ZNF385D: variants seen among roughly 807,000 people sequenced by gnomAD.
ZNF385D encodes the protein zinc finger protein 659.
ZNF385D carries 15 observed loss-of-function variants against 35.8 expected under a neutral mutation model. That is an observed-to-expected ratio of 0.42 (90% CI 0.28 to 0.64). The LOEUF is 0.64. Among genes scored for constraint, ZNF385D ranks in the 30% least tolerant of loss-of-function variants. The pLI, the probability that ZNF385D is intolerant of heterozygous loss-of-function variation, is 0.23. For synonymous variants in ZNF385D, 212 were observed against 186.8 expected, an observed-to-expected ratio of 1.13 and a Z score of -1.10; for missense variants, 474 against 494.6, an observed-to-expected ratio of 0.96 and a Z score of 0.39.
intron 3 of ZNF385D, among the ~76,000 whole-genome samples, chr3:22,124,303 C>G (rs373241688): frequency 3.3e-5 from 5 of 152,048 alleles, no homozygotes; most frequent in African/African-American, 7.2e-5. Flanking sequence ...TGTATAAGTA[C>G]CGCATTTTCA....
At chr3:22,034,710 T>A (rs889525324) in intron 3 of ZNF385D, among the ~76,000 whole-genome samples, 1 of 152,160 alleles carries the variant, frequency 6.6e-6, no homozygotes, top group Non-Finnish European at 1.5e-5. Context: ...TAAAGAATAT[T>A]ATAATTTCAC....
At chr3:22,279,495 C>CATAT (rs1461387907) in intron 2 of ZNF385D, among the ~76,000 whole-genome samples, 12 of 135,290 alleles carry the variant, frequency 8.9e-5, no homozygotes, top group South Asian at 8.8e-4. Flanking sequence ...ATGGAATATA[C>CATAT]ATATGTACAT....
intron 2 of ZNF385D, among the ~76,000 whole-genome samples, chr3:22,186,572 A>G (rs954956366): frequency 2.6e-5 from 4 of 152,170 alleles, no homozygotes; most frequent in African/African-American, 7.2e-5. Context: ...CATGACCATC[A>G]TGCAACCTTC....
intron 3 of ZNF385D, chr3:21,877,869 G>C (rs937548753): frequency 1.3e-5 from 2 of 151,848 alleles, no homozygotes; most frequent in African/African-American, 4.8e-5. Flanking sequence ...AATTTATTTG[G>C]GAAGTTACAG....
At chr3:22,136,201 T>C (rs530139601) in intron 3 of ZNF385D, among the ~76,000 whole-genome samples, 32 of 152,076 alleles carry the variant, frequency 2.1e-4, no homozygotes, top group Non-Finnish European at 4.1e-4. Context: ...CTGGGAAACA[T>C]GGTGAAACCT....
At chr3:22,063,380 A>G (rs1439431398) in intron 3 of ZNF385D, among the ~76,000 whole-genome samples, 1 of 152,176 alleles carries the variant, frequency 6.6e-6, no homozygotes, top group African/African-American at 2.4e-5. Flanking sequence ...TAAAAATTGA[A>G]TAAAGCCTCA....
chr3:22,165,148 C>G (rs1706228928), intron 3 of ZNF385D, among the ~76,000 whole-genome samples: 1 of 152,136 alleles, frequency 6.6e-6, no homozygotes, highest in African/African-American at 2.4e-5. Context: ...CTCATGTAAA[C>G]TATAGACTTT....
intron 3 of ZNF385D, among the ~76,000 whole-genome samples, chr3:21,949,123 A>G (rs1007969585): frequency 1.3e-5 from 2 of 152,304 alleles, no homozygotes; most frequent in Middle Eastern, 6.8e-3. Context: ...GTTTTGTGAC[A>G]ATTCCTTTTA....
intron 5 of ZNF385D, among the ~76,000 whole-genome samples, chr3:21,434,905 C>G (rs752226968): frequency 9.2e-5 from 14 of 152,090 alleles, no homozygotes; most frequent in Non-Finnish European, 2.1e-4. Flanking sequence ...AGAGAGAACA[C>G]TCTTATAAGG....
At chr3:22,032,924 C>T (rs1576192441) in intron 3 of ZNF385D, among the ~76,000 whole-genome samples, 1 of 152,136 alleles carries the variant, frequency 6.6e-6, no homozygotes, top group East Asian at 1.9e-4. Flanking sequence ...AGTAACTTGC[C>T]CAAAGTCCCA....
chr3:21,433,945 C>T (rs1271162265), intron 5 of ZNF385D, among the ~76,000 whole-genome samples: 2 of 152,056 alleles, frequency 1.3e-5, no homozygotes, highest in African/African-American at 4.8e-5. Flanking sequence ...CATAACAGTT[C>T]CAAATACTTT....
At chr3:22,242,711 G>GA (rs1389038679) in intron 2 of ZNF385D, among the ~76,000 whole-genome samples, 3 of 150,916 alleles carry the variant, frequency 2.0e-5, no homozygotes, top group African/African-American at 7.4e-5. Context: ...AATATCAGGA[G>GA]AAAACAATCA....
chr3:22,091,151 A>C (rs900730094), intron 3 of ZNF385D, among the ~76,000 whole-genome samples: 4 of 152,114 alleles, frequency 2.6e-5, no homozygotes, highest in Admixed American at 6.6e-5. Context: ...TTAGCTTGTA[A>C]AGCTGCAGGT....
At chr3:21,532,225 G>T (rs1043146878) in intron 3 of ZNF385D, among the ~76,000 whole-genome samples, 1 of 152,078 alleles carries the variant, frequency 6.6e-6, no homozygotes, top group African/African-American at 2.4e-5. Context: ...CAAAAAGATG[G>T]GGAGCATTTT....
At chr3:21,990,168 A>G (rs1054710958) in intron 3 of ZNF385D, among the ~76,000 whole-genome samples, 5 of 152,184 alleles carry the variant, frequency 3.3e-5, no homozygotes, top group African/African-American at 9.7e-5. Flanking sequence ...TAGGATGCTT[A>G]TTTTCTTTGA....
intron 1 of ZNF385D, among the ~76,000 whole-genome samples, chr3:21,734,282 A>AG (rs1020630951): frequency 3.4e-5 from 2 of 58,070 alleles, no homozygotes; most frequent in African/African-American, 9.6e-5. Context: ...CAGAACACTC[A>AG]GGGTTTTTTT....
At chr3:22,263,425 T>C (rs1700736016) in intron 2 of ZNF385D, among the ~76,000 whole-genome samples, 1 of 152,060 alleles carries the variant, frequency 6.6e-6, no homozygotes, top group South Asian at 2.1e-4. Context: ...TCAAAAGTTA[T>C]TTCCTTAGAG....
intron 2 of ZNF385D, among the ~76,000 whole-genome samples, chr3:22,246,625 A>G (rs1699796398): frequency 6.6e-6 from 1 of 152,162 alleles, no homozygotes; most frequent in Admixed American, 6.6e-5. Context: ...ATGGCTTGAC[A>G]TGTACACTAA....
At chr3:22,273,549 A>G (rs1360635706) in intron 2 of ZNF385D, among the ~76,000 whole-genome samples, 2 of 151,940 alleles carry the variant, frequency 1.3e-5, no homozygotes, top group Non-Finnish European at 2.9e-5. Flanking sequence ...GTGGCTCCAA[A>G]TGCCAACAGT....
Sources: allele counts gnomAD v4.1 joint callset (sites outside exome capture counted in the v4.1 genomes callset), GRCh38; gene constraint gnomAD v4.1.1; transcripts MANE v1.5; gene names NCBI Gene and HGNC (gene_info 2026-07-23, HGNC 2026-07-21).